NDFIP2: variants seen among roughly 807,000 people sequenced by gnomAD.
NDFIP2 encodes Nedd4 family interacting protein 2.
A neutral mutation model predicts 36.0 loss-of-function variants in NDFIP2; 19 were observed. That is an observed-to-expected ratio of 0.53 (90% confidence interval 0.37 to 0.77). The LOEUF is 0.77. Ranked by LOEUF, NDFIP2 falls within the 30% of genes least tolerant of loss-of-function variation. The probability of loss-of-function intolerance (pLI) is 0.00; values close to 1 mark genes in which losing one functional copy is unlikely to be tolerated. For missense variants in NDFIP2, 446 were observed against 435.8 expected, an observed-to-expected ratio of 1.02 and a Z score of -0.21; for synonymous variants, 181 against 167.7, an observed-to-expected ratio of 1.08 and a Z score of -0.61.
chr13:79,511,292 G>A (rs909137841), intron 1 of NDFIP2, among the ~76,000 whole-genome samples: 2 of 152,156 alleles, frequency 1.3e-5, no homozygotes, highest in Non-Finnish European at 2.9e-5. Flanking sequence ...TTGGGGTACA[G>A]TATTTTGATT....
At chr13:79,498,892 T>G (rs540628079) in intron 1 of NDFIP2, among the ~76,000 whole-genome samples, 30 of 152,062 alleles carry the variant, frequency 2.0e-4, no homozygotes, top group African/African-American at 6.3e-4. Flanking sequence ...TCCAGAAAAT[T>G]GAAGGCTAAC....
At position 79,512,251 on chromosome 13, in the gene NDFIP2, G is replaced by A. The variant is rs117730879; in HGVS notation, c.322-8559G>A. 3.5e-3 allele frequency among the ~76,000 whole-genome samples: 540 copies of A among 152,164 alleles called. 1 individual carries two copies. Among genetic ancestry groups the A allele is most frequent in the Non-Finnish European group, 6.2e-3 (422 of 67,978 alleles). On this transcript the variant is annotated intron_variant, in intron 1 of 7. Coordinates refer to ENST00000218652, the MANE Select transcript of NDFIP2 (RefSeq NM_019080.3). ...CCTTTGTTGGATAGAATACTACTAC[G>A]TTAGCTTGTGAAAACCAAAGCATTG...
In NDFIP2 at chr13:79,551,047, A is replaced by G; in HGVS notation, c.938A>G (p.Asn313Ser). 1.2e-6 allele frequency: 2 copies of G among 1,601,988 alleles called. No homozygotes were observed. The highest frequency in any genetic ancestry group is 1.7e-6 in the Non-Finnish European group (2 of 1,173,772). Residue 313 changes from asparagine to serine, a missense_variant, in exon 7 of 8, where the codon AAT (asparagine) becomes AGT (serine). Transcript: ENST00000218652. The stretch of plus-strand genomic sequence containing the variant: ...CTCCTTTTCTTCAGAGGATTTGTTA[A>G]TTATCTAAAAGTCAGAAACATGTCT... ...GLLLFFRGFV[N>S]YLKVRNMSES...
At chr13:79,482,241 CTTG>C (rs1197673399) in intron 1 of NDFIP2, among the ~76,000 whole-genome samples, 1 of 96,898 alleles carries the variant, frequency 1.0e-5, no homozygotes, top group Non-Finnish European at 1.9e-5. Context: ...AAATTCTAAT[CTTG>C]TTTGAAAAAT....
chr13:79,519,239 CAG>C (rs1874468349), intron 1 of NDFIP2: 1 of 152,074 alleles, frequency 6.6e-6, no homozygotes, highest in Non-Finnish European at 1.5e-5. Flanking sequence ...CTTAGAGTAA[CAG>C]GAATAAATTA....
intron 1 of NDFIP2, among the ~76,000 whole-genome samples, chr13:79,497,826 G>GTGTA (rs1314750250): frequency 2.7e-5 from 4 of 149,892 alleles, no homozygotes; most frequent in Non-Finnish European, 4.5e-5. Context: ...GTGTGTGTGT[G>GTGTA]TGTATGTGTG....
chr13:79,494,652 C>G (rs1414733414), intron 1 of NDFIP2, among the ~76,000 whole-genome samples: 1 of 151,912 alleles, frequency 6.6e-6, no homozygotes, highest in Admixed American at 6.6e-5. Context: ...AGACTTTTCC[C>G]TGTAGATGTG....
At chr13:79,497,696 C>G (rs905253053) in intron 1 of NDFIP2, among the ~76,000 whole-genome samples, 3 of 140,928 alleles carry the variant, frequency 2.1e-5, no homozygotes, top group African/African-American at 7.9e-5. Context: ...TGCATTAACT[C>G]TCTCCCTAGT....
chr13:79,528,907 C>T (rs975918964), intron 2 of NDFIP2, among the ~76,000 whole-genome samples: 1 of 152,152 alleles, frequency 6.6e-6, no homozygotes, highest in African/African-American at 2.4e-5. Flanking sequence ...GTAAGTGATG[C>T]ATGACTGTAT....
intron 1 of NDFIP2, among the ~76,000 whole-genome samples, chr13:79,502,860 GA>G (rs1341611351): frequency 1.3e-5 from 2 of 149,506 alleles, no homozygotes; most frequent in East Asian, 2.0e-4. Flanking sequence ...AAAAGCAGAA[GA>G]AAAAGTATTT....
At chr13:79,509,546 G>T (rs149675733) in intron 1 of NDFIP2, among the ~76,000 whole-genome samples, 84 of 152,194 alleles carry the variant, frequency 5.5e-4, no homozygotes, top group African/African-American at 2.0e-3. Context: ...TGGTAAAGAG[G>T]CATGTCTGCT....
At position 79,513,361 on chromosome 13, in the gene NDFIP2, T is replaced by C. The variant is rs112327885; in HGVS notation, c.322-7449T>C. ...CCATGCCTTAATGAAATCAAGATAT[T>C]ATACTATGGAGAGACACAAACTCAA... On this transcript the variant is annotated intron_variant, in intron 1 of 7. Transcript: ENST00000218652. Among the ~76,000 whole-genome samples, 9 of 152,304 alleles carry C rather than the reference T, an allele frequency of 5.9e-5. 2 individuals carry two copies. The highest frequency in any genetic ancestry group is 2.2e-4 in the African/African-American group (9 of 41,576).
At chr13:79,510,430 G>A (rs1463962412) in intron 1 of NDFIP2, among the ~76,000 whole-genome samples, 1 of 151,586 alleles carries the variant, frequency 6.6e-6, no homozygotes, top group East Asian at 1.9e-4. Flanking sequence ...AGGAGCCAAG[G>A]GAAAACTACT....
chr13:79,520,738 G>T, intron 1 of NDFIP2, 72 bp from the exon 2 acceptor site: 1 of 1,394,724 alleles, frequency 7.2e-7, no homozygotes, highest in Non-Finnish European at 9.6e-7. Flanking sequence ...TGTCTGAAAT[G>T]ATAAAATCAG....
At chr13:79,539,809 T>C (rs1047898898) in intron 4 of NDFIP2, 34 bp downstream of exon 4, 2 of 1,566,352 alleles carry the variant, frequency 1.3e-6, no homozygotes, top group East Asian at 2.2e-5. Flanking sequence ...TTGGGTTGTT[T>C]TTATGAATTG....
chr13:79,540,120 A>AAT (rs1474378937), intron 4 of NDFIP2, among the ~76,000 whole-genome samples: 1 of 152,196 alleles, frequency 6.6e-6, no homozygotes. Context: ...TGAAACTATA[A>AAT]ATTGCACTAT....
chr13:79,512,179 A>T (rs1278182969), intron 1 of NDFIP2, among the ~76,000 whole-genome samples: 2 of 152,220 alleles, frequency 1.3e-5, no homozygotes, highest in Non-Finnish European at 2.9e-5. Flanking sequence ...TGATTAAGGC[A>T]ACAAAACCTT....
intron 2 of NDFIP2, among the ~76,000 whole-genome samples, chr13:79,531,165 G>T (rs910063420): frequency 4.0e-4 from 61 of 152,280 alleles, no homozygotes; most frequent in African/African-American, 1.4e-3. Flanking sequence ...GAGTGACCAG[G>T]TGCATTGTCA....
chr13:79,503,974 C>T (rs1873762808), intron 1 of NDFIP2, among the ~76,000 whole-genome samples: 2 of 152,062 alleles, frequency 1.3e-5, no homozygotes. Context: ...AGGATTAGCA[C>T]CCTTATTTGA....
Sources: gnomAD v4.1 joint callset for allele counts (sites outside exome capture counted in the v4.1 genomes callset) on GRCh38, gnomAD v4.1.1 for gene constraint, MANE v1.5 for transcripts, NCBI Gene and HGNC (gene_info 2026-07-23, HGNC 2026-07-21) for gene names.